Variants in GREM1 observed in about 807,000 individuals in gnomAD.
GREM1 encodes gremlin 1, DAN family BMP antagonist.
GREM1 carries 6 observed loss-of-function variants against 13.1 expected under a neutral mutation model. That is an observed-to-expected ratio of 0.46 (90% confidence interval 0.25 to 0.91). The LOEUF is 0.91. Ranked by LOEUF, GREM1 falls within the 40% of genes least tolerant of loss-of-function variation. The pLI is 0.18. For missense variants in GREM1, 185 were observed against 233.9 expected (o/e 0.79, Z 1.36); for synonymous variants, 98 against 93.7 (o/e 1.05, Z -0.27).
rs943157424 is a variant in GREM1 at position 32,742,542 on chromosome 15, G to A, written c.*11297G>A. On this transcript the variant is annotated 3_prime_UTR_variant, in exon 2 of 2. Transcript: ENST00000651154. ...AGAATAATTCTAAAATTCATCTGAAGCCACAAAAGACAATGAATAAACAAA... is the reference window on the plus strand; with the variant it reads ...AGAATAATTCTAAAATTCATCTGAAACCACAAAAGACAATGAATAAACAAA... 6.6e-6 allele frequency: 1 copy of A among 152,076 alleles called. No individual in the cohort carries two copies. The highest frequency in any genetic ancestry group is 2.4e-5 in the African/African-American group (1 of 41,418). 9.4% of individuals were successfully genotyped at this position (152,076 alleles called of 1,614,324 possible). A position where few individuals can be genotyped will look rare whatever the true frequency, so the allele number is the denominator to read the frequency against.
intron 1 of GREM1, among the ~76,000 whole-genome samples, chr15:32,728,586 A>G (rs930290920): frequency 6.6e-6 from 1 of 152,206 alleles, no homozygotes; most frequent in Non-Finnish European, 1.5e-5. Flanking sequence ...GAAAATCTAG[A>G]TCCTACACTG....
In GREM1 at chr15:32,734,393, T is replaced by C. The variant is rs922396969; in HGVS notation, c.*3148T>C. 2 of 246,482 alleles carry C rather than the reference T, an allele frequency of 8.1e-6. No homozygotes were observed. The highest frequency in any genetic ancestry group is 1.7e-5 in the Non-Finnish European group (2 of 117,218). The allele number at this position is 246,482 out of a possible 1,614,324, so 15.3% of individuals were successfully genotyped here. The stretch of plus-strand genomic sequence containing the variant: ...CATTTATAAGTGATCAGTTAATGCC[T>C]AAGAGTGAAAGTAGTTCTATTGACA... On this transcript the variant is annotated 3_prime_UTR_variant, in exon 2 of 2. Transcript: ENST00000651154.
In GREM1 at chr15:32,733,694, G is replaced by A. The variant is rs1036944069; in HGVS notation, c.*2449G>A. 1.3e-5 allele frequency: 3 copies of A among 226,818 alleles called. No individual in the cohort carries two copies. The highest frequency in any genetic ancestry group is 2.9e-3 in the Middle Eastern group (2 of 686). The allele number at this position is 226,818 out of a possible 1,614,324, so 14.1% of individuals were successfully genotyped here. On this transcript the variant is annotated 3_prime_UTR_variant, in exon 2 of 2. Transcript: ENST00000651154. ...GCCATATCTATACCATATTTTATTC[G>A]AGTCACTGATGATGTAATGATATAT...
intron 1 of GREM1, among the ~76,000 whole-genome samples, chr15:32,724,522 A>G (rs1411003579): frequency 1.3e-5 from 2 of 152,312 alleles, no homozygotes; most frequent in South Asian, 4.1e-4. Context: ...AATTCACACT[A>G]TATTTTGAGA....
Position 32,736,615 on chromosome 15 carries a change from G to A in GREM1, c.*5370G>A, listed in dbSNP as rs577203447. On this transcript the variant is annotated 3_prime_UTR_variant, in exon 2 of 2. Transcript: ENST00000651154. The stretch of plus-strand genomic sequence containing the variant: ...AGACTGGTTGAATTATTGATTCCAA[G>A]TGTTTGAGGAAATCCGTGTACAACT... 2 of 152,280 alleles carry A rather than the reference G, an allele frequency of 1.3e-5. No individual in the cohort carries two copies. The highest frequency in any genetic ancestry group is 2.1e-4 in the South Asian group (1 of 4,828). The allele number at this position is 152,280 out of a possible 1,614,324, so 9.4% of individuals were successfully genotyped here. A position where few individuals can be genotyped will look rare whatever the true frequency, so the allele number is the denominator to read the frequency against.
chr15:32,728,937 A>G (rs934822399), intron 1 of GREM1, among the ~76,000 whole-genome samples: 2 of 152,188 alleles, frequency 1.3e-5, no homozygotes, highest in Admixed American at 1.3e-4. Context: ...CTCAAAGCTT[A>G]ATAAAAAGGC....
At position 32,732,692 on chromosome 15, in the gene GREM1, G is replaced by T. The variant is rs190577955; in HGVS notation, c.*1447G>T. The T allele has an allele frequency of 2.1e-5, 5 of 239,478 alleles. No homozygotes were observed. Among genetic ancestry groups the T allele is most frequent in the African/African-American group, 6.7e-5 (3 of 44,866 alleles). 14.8% of individuals were successfully genotyped at this position (239,478 alleles called of 1,614,324 possible). On this transcript the variant is annotated 3_prime_UTR_variant, in exon 2 of 2. Coordinates refer to ENST00000651154, the MANE Select transcript of GREM1 (RefSeq NM_013372.7). ...TACTGGTTGGATGGACATAACTATTGTAACTATTCAGTATTTACTGGTAGG... is the reference window on the plus strand; with the variant it reads ...TACTGGTTGGATGGACATAACTATTTTAACTATTCAGTATTTACTGGTAGG...
At chr15:32,726,710 GT>G (rs3054576) in intron 1 of GREM1, among the ~76,000 whole-genome samples, 2,834 of 142,428 alleles carry the variant, frequency 0.02, 30 homozygotes, top group Middle Eastern at 0.036. Context: ...CCCAGGAGCT[GT>G]TTTTTTTTTT....
intron 1 of GREM1, among the ~76,000 whole-genome samples, chr15:32,721,038 C>T (rs948767206): frequency 4.6e-5 from 7 of 152,192 alleles, no homozygotes; most frequent in Non-Finnish European, 8.8e-5. Context: ...TGCCTGCAAT[C>T]CCAGCTACTT....
chr15:32,723,434 T>C (rs2055445413), intron 1 of GREM1, among the ~76,000 whole-genome samples: 1 of 152,158 alleles, frequency 6.6e-6, no homozygotes, highest in African/African-American at 2.4e-5. Context: ...ACTGCTGTTC[T>C]CTGAGAAGCT....
chr15:32,722,348 A>C (rs758423342), intron 1 of GREM1, among the ~76,000 whole-genome samples: 7 of 152,214 alleles, frequency 4.6e-5, no homozygotes, highest in Non-Finnish European at 7.3e-5. Context: ...CTAAAGCTTG[A>C]TTCATCAGGA....
intron 1 of GREM1, among the ~76,000 whole-genome samples, chr15:32,724,713 C>T (rs551881124): frequency 4.6e-5 from 7 of 151,786 alleles, no homozygotes; most frequent in South Asian, 2.1e-4. Context: ...TAGGTATACA[C>T]GTGCCATGGT....
At position 32,732,719 on chromosome 15, in the gene GREM1, A is replaced by T. The variant is rs2055643010; in HGVS notation, c.*1474A>T. On this transcript the variant is annotated 3_prime_UTR_variant, in exon 2 of 2. Coordinates refer to ENST00000651154, the MANE Select transcript of GREM1 (RefSeq NM_013372.7). Reference sequence around the variant, plus strand: ...AACTATTCAGTATTTACTGGTAGGCACTGTCCTCTGATTAAACTTGGCCTA... The same window carrying T: ...AACTATTCAGTATTTACTGGTAGGCTCTGTCCTCTGATTAAACTTGGCCTA... 4.2e-6 allele frequency: 1 copy of T among 236,010 alleles called. No individual in the cohort carries two copies. Among genetic ancestry groups the T allele is most frequent in the Non-Finnish European group, 9.0e-6 (1 of 110,664 alleles). 14.6% of individuals were successfully genotyped at this position (236,010 alleles called of 1,614,324 possible).
At position 32,744,170 on chromosome 15, in the gene GREM1, C is replaced by A. The variant is rs570903449; in HGVS notation, c.*12925C>A. The A allele has an allele frequency of 3.9e-5, 6 of 152,094 alleles. No homozygotes were observed. The highest frequency in any genetic ancestry group is 3.9e-4 in the Admixed American group (6 of 15,266). 9.4% of individuals were successfully genotyped at this position (152,094 alleles called of 1,614,324 possible). ...TCTGTGGCCTTTTTTTTTAATTACA[C>A]TCTCAGTTACATGAATCAATAAATT... On this transcript the variant is annotated 3_prime_UTR_variant, in exon 2 of 2. Transcript: ENST00000651154.
rs2055734676 is a variant in GREM1, at chr15:32,738,634, G to T, written c.*7389G>T. 6.6e-6 allele frequency: 1 copy of T among 152,078 alleles called. No homozygotes were observed. Among genetic ancestry groups the T allele is most frequent in the Non-Finnish European group, 1.5e-5 (1 of 68,010 alleles). 9.4% of individuals were successfully genotyped at this position (152,078 alleles called of 1,614,324 possible). A position where few individuals can be genotyped will look rare whatever the true frequency, so the allele number is the denominator to read the frequency against. On this transcript the variant is annotated 3_prime_UTR_variant, in exon 2 of 2. Coordinates refer to ENST00000651154, the MANE Select transcript of GREM1 (RefSeq NM_013372.7). ...CAATAGCCAAAATAATCTTAAAAAA[G>T]ATTTTAAAAAGTTGGAGAACTCACA...
chr15:32,721,017 A>G (rs2055397183), intron 1 of GREM1, among the ~76,000 whole-genome samples: 1 of 152,184 alleles, frequency 6.6e-6, no homozygotes, highest in Non-Finnish European at 1.5e-5. Context: ...TTAGCCAGGC[A>G]TGGTGGTGCA....
intron 1 of GREM1, among the ~76,000 whole-genome samples, chr15:32,728,417 G>A (rs2055552123): frequency 6.6e-6 from 1 of 152,186 alleles, no homozygotes. Flanking sequence ...GAAGCTGAAT[G>A]TCACATTATC....
At position 32,731,008 on chromosome 15, in the gene GREM1, A is replaced by G. The variant is rs968111910; in HGVS notation, c.318A>G (p.Glu106=). ...TQPLKQTIHE[E]GCNSRTIINR... is the part of the protein sequence containing the mutation. ...CGCTTAAGCAGACCATCCACGAGGA[A>G]GGCTGCAACAGTCGCACCATCATCA... The change falls in exon 2 of 2, where the codon GAA becomes GAG. Residue 106 remains glutamate, a synonymous_variant. Coordinates refer to ENST00000651154, the MANE Select transcript of GREM1 (RefSeq NM_013372.7). 2 of 1,614,192 alleles carry G rather than the reference A, an allele frequency of 1.2e-6. No homozygotes were observed. Among genetic ancestry groups the G allele is most frequent in the Non-Finnish European group, 1.7e-6 (2 of 1,180,020 alleles).
rs887368379 is a variant in GREM1 at position 32,737,110 on chromosome 15, A to T, written c.*5865A>T. ...AAATCTGAATAGAGCTATCACAAGT[A>T]AAGAGATTAAATAAGCAATCAAATA... On this transcript the variant is annotated 3_prime_UTR_variant, in exon 2 of 2. Transcript: ENST00000651154. The T allele has an allele frequency of 6.6e-6, 1 of 152,218 alleles. No homozygotes were observed. The highest frequency in any genetic ancestry group is 1.5e-5 in the Non-Finnish European group (1 of 68,032). 9.4% of individuals were successfully genotyped at this position (152,218 alleles called of 1,614,324 possible).
Sources: allele counts gnomAD v4.1 joint callset (sites outside exome capture counted in the v4.1 genomes callset), GRCh38; gene constraint gnomAD v4.1.1; transcripts MANE v1.5; gene names NCBI Gene and HGNC (gene_info 2026-07-23, HGNC 2026-07-21).